Variants in OGFOD1 observed in about 807,000 individuals in gnomAD.
The protein encoded by OGFOD1 is prolyl 3-hydroxylase OGFOD1.
OGFOD1 carries 54 observed loss-of-function variants against 67.7 expected under a neutral mutation model. The observed-to-expected ratio is 0.80, with a 90% confidence interval of 0.64 to 1.00. The LOEUF (loss-of-function observed/expected upper bound fraction) is 1.00, where lower values mean the gene tolerates loss of function less well. OGFOD1 is among the 50% of genes least tolerant of loss of function. The pLI is 0.00. For synonymous variants in OGFOD1, 221 were observed against 227.0 expected (o/e 0.97, Z 0.24); for missense variants, 606 against 646.7 (o/e 0.94, Z 0.68).
Position 56,458,553 on chromosome 16 carries a change from T to C in OGFOD1, c.306T>C (p.Asp102=). 4 of 1,613,014 alleles carry C rather than the reference T, an allele frequency of 2.5e-6. No individual in the cohort carries two copies. The highest frequency in any genetic ancestry group is 3.4e-6 in the Non-Finnish European group (4 of 1,179,002). The change falls in exon 3 of 13, where the codon GAT becomes GAC. Residue 102 remains aspartate, a synonymous_variant. Transcript: ENST00000566157. ...YNDLYKFQQS[D]DLKKRREPHI... is the part of the protein sequence containing the mutation. ...TCTCTATTTTCATGATCAAGTCTGATGATTTGAAGAAGAGAAGAGAGCCTC... is the reference window on the plus strand; with the variant it reads ...TCTCTATTTTCATGATCAAGTCTGACGATTTGAAGAAGAGAAGAGAGCCTC...
chr16:56,472,387 A>T (rs1411183172), intron 10 of OGFOD1, among the ~76,000 whole-genome samples: 1 of 152,224 alleles, frequency 6.6e-6, no homozygotes, highest in African/African-American at 2.4e-5. Flanking sequence ...CACCTACTGT[A>T]TACAGGGGGC....
Position 56,465,057 on chromosome 16 carries a change from T to C in OGFOD1, c.449-1095T>C, listed in dbSNP as rs149573382. On this transcript the variant is annotated intron_variant, in intron 4 of 12. Transcript: ENST00000566157. ...CTCTGTTGCCCAGGCTGGAATACAG[T>C]GGTGCGATCTTGGCTCACTGCAACC... 7.9e-5 allele frequency among the ~76,000 whole-genome samples: 12 copies of C among 151,966 alleles called. No homozygotes were observed. The East Asian group carries it at 2.1e-3, about 27-fold the overall frequency.
chr16:56,459,053 C>A (rs1206272475), intron 3 of OGFOD1, among the ~76,000 whole-genome samples: 3 of 152,046 alleles, frequency 2.0e-5, no homozygotes, highest in Admixed American at 2.0e-4. Context: ...AAGAATTTAT[C>A]CTGGGGGCTG....
Position 56,478,491 on chromosome 16 carries a change from C to T in OGFOD1, c.*2286C>T, listed in dbSNP as rs1963574791. On this transcript the variant is annotated 3_prime_UTR_variant, in exon 13 of 13. Coordinates refer to ENST00000566157, the MANE Select transcript of OGFOD1 (RefSeq NM_018233.4). Reference sequence around the variant, plus strand: ...TATATTCCAGCTGACTAAAGGTCATCTCACTCACTTGCCTTCTGATGTGTT... The same window carrying T: ...TATATTCCAGCTGACTAAAGGTCATTTCACTCACTTGCCTTCTGATGTGTT... 6.6e-6 allele frequency: 1 copy of T among 152,206 alleles called. No individual in the cohort carries two copies. The highest frequency in any genetic ancestry group is 2.4e-5 in the African/African-American group (1 of 41,440). The allele number at this position is 152,206 out of a possible 1,614,324, so 9.4% of individuals were successfully genotyped here.
rs1962968436 is a variant in OGFOD1, at chr16:56,467,800, TTA to T, written c.787-102_787-101del. ...TTTCCAGTACTTTAATAGGAGAAAC[TTA>T]TAAAATGAGGATTTGCATGTATTTT... is the stretch of plus-strand genomic sequence containing the variant. On this transcript the variant is annotated intron_variant, in intron 7 of 12. Coordinates refer to ENST00000566157, the MANE Select transcript of OGFOD1 (RefSeq NM_018233.4). The T allele has an allele frequency of 4.3e-6, 3 of 704,424 alleles. No homozygotes were observed. The East Asian group carries it at 7.9e-5, about 19-fold the overall frequency. The allele number at this position is 704,424 out of a possible 1,614,324, so 43.6% of individuals were successfully genotyped here.
In OGFOD1 at chr16:56,458,544, C is replaced by T; in HGVS notation, c.301-4C>T. ...CCTTTTTTTTCTCTATTTTCATGATCAAGTCTGATGATTTGAAGAAGAGAA... is the reference window on the plus strand; with the variant it reads ...CCTTTTTTTTCTCTATTTTCATGATTAAGTCTGATGATTTGAAGAAGAGAA... On this transcript the variant is annotated splice_polypyrimidine_tract_variant and splice_region_variant and intron_variant, in intron 2 of 12. Transcript: ENST00000566157. 1 of 1,612,404 alleles carries T rather than the reference C, an allele frequency of 6.2e-7. No homozygotes were observed. The highest frequency in any genetic ancestry group is 1.1e-5 in the South Asian group (1 of 90,994).
At chr16:56,462,387 C>T in intron 3 of OGFOD1, 147 bp from the exon 4 acceptor site, 1 of 587,982 alleles carries the variant, frequency 1.7e-6, no homozygotes, top group South Asian at 2.1e-5. Context: ...AGAAACATTT[C>T]TCAGAATGTC....
chr16:56,468,322 T>C (rs1242976350), intron 8 of OGFOD1, among the ~76,000 whole-genome samples: 2 of 152,184 alleles, frequency 1.3e-5, no homozygotes, highest in African/African-American at 4.8e-5. Context: ...ATCTAACAAA[T>C]ATGGTGCTTC....
Position 56,477,756 on chromosome 16 carries a change from T to C in OGFOD1, c.*1551T>C, listed in dbSNP as rs772789454. The C allele has an allele frequency of 3.9e-5, 6 of 152,210 alleles. No individual in the cohort carries two copies. The highest frequency in any genetic ancestry group is 5.9e-5 in the Non-Finnish European group (4 of 68,040). The allele number at this position is 152,210 out of a possible 1,614,324, so 9.4% of individuals were successfully genotyped here. A position where few individuals can be genotyped will look rare whatever the true frequency, so the allele number is the denominator to read the frequency against. On this transcript the variant is annotated 3_prime_UTR_variant, in exon 13 of 13. Coordinates refer to ENST00000566157, the MANE Select transcript of OGFOD1 (RefSeq NM_018233.4). ...TCTTTTTTACATTTATTTTTAGCTT[T>C]TGCAGTAGTGTTTAGTGTGGGTTTT...
At chr16:56,463,115 G>T (rs1332898954) in intron 4 of OGFOD1, among the ~76,000 whole-genome samples, 1 of 152,114 alleles carries the variant, frequency 6.6e-6, no homozygotes, top group Non-Finnish European at 1.5e-5. Context: ...CTCTTCAGAG[G>T]TACCTATTGT....
At chr16:56,467,352 G>A in intron 7 of OGFOD1, 59 bp downstream of exon 7, 2 of 1,578,086 alleles carry the variant, frequency 1.3e-6, no homozygotes, top group South Asian at 2.3e-5. Flanking sequence ...TTGTTTCTCT[G>A]ATTTTAAAAT....
intron 3 of OGFOD1, among the ~76,000 whole-genome samples, chr16:56,459,255 G>A (rs1378349118): frequency 1.3e-5 from 2 of 151,764 alleles, no homozygotes; most frequent in Non-Finnish European, 1.5e-5. Context: ...CAGGAGAATC[G>A]CTTGAACCAG....
intron 10 of OGFOD1, among the ~76,000 whole-genome samples, chr16:56,473,118 G>C (rs192672656): frequency 1.3e-5 from 2 of 152,192 alleles, no homozygotes; most frequent in African/African-American, 4.8e-5. Flanking sequence ...TTTTAGTAGA[G>C]ACGGGGTTTC....
In OGFOD1 at chr16:56,453,276, G is replaced by C; in HGVS notation, c.168G>C (p.Met56Ile). The stretch of plus-strand genomic sequence containing the variant: ...TTCTTCCAACAGAAGTCATTGTCAT[G>C]GACATGGACCCTTTTCTTCACTGTG... ...RTPFSHEVIV[M>I]DMDPFLHCVI... Residue 56 changes from methionine (M) to isoleucine (I), a missense_variant, in exon 2 of 13, where the codon ATG becomes ATC. Coordinates refer to ENST00000566157, the MANE Select transcript of OGFOD1 (RefSeq NM_018233.4). 1 of 1,609,652 alleles carries C rather than the reference G, an allele frequency of 6.2e-7. No homozygotes were observed. Among genetic ancestry groups the C allele is most frequent in the South Asian group, 1.1e-5 (1 of 89,920 alleles).
At chr16:56,461,424 C>T (rs1333165301) in intron 3 of OGFOD1, among the ~76,000 whole-genome samples, 2 of 152,184 alleles carry the variant, frequency 1.3e-5, no homozygotes, top group Non-Finnish European at 2.9e-5. Context: ...ACATCCCTTC[C>T]GTCTGGCTGT....
Position 56,451,617 on chromosome 16 carries a change from A to G in OGFOD1, c.5A>G (p.Asn2Ser). The stretch of plus-strand genomic sequence containing the variant: ...GGTTCTGTGCCTTGGGAAGAGATGA[A>G]TGGGAAGCGGCCAGCGGAGCCCGGC... M[N>S]GKRPAEPGPA... is the part of the protein sequence containing the mutation. Residue 2 changes from asparagine (N) to serine (S), a missense_variant, in exon 1 of 13, where the codon AAT (asparagine) becomes AGT (serine). Transcript: ENST00000566157. 6.2e-7 allele frequency: 1 copy of G among 1,613,644 alleles called. No homozygotes were observed. Among genetic ancestry groups the G allele is most frequent in the Non-Finnish European group, 8.5e-7 (1 of 1,179,958 alleles).
Position 56,476,195 on chromosome 16 carries a change from A to G in OGFOD1, c.1619A>G (p.Tyr540Cys), listed in dbSNP as rs769951497. The G allele has an allele frequency of 1.2e-6, 2 of 1,611,196 alleles. No homozygotes were observed. The highest frequency in any genetic ancestry group is 1.3e-5 in the African/African-American group (1 of 74,816). The change falls in exon 13 of 13, where the codon TAT becomes TGT. Residue 540 changes from tyrosine (Y) to cysteine (C), a missense_variant. Physicochemically the swap from Tyr to Cys is radical, Grantham distance 194. Coordinates refer to ENST00000566157, the MANE Select transcript of OGFOD1 (RefSeq NM_018233.4). ...GGTTTCTGGGACTTTTCATTCATCT[A>G]TTATGAATGACAGCACTGGGCAAAG... ...RTGFWDFSFIYYE is the reference protein window; with the variant it reads ...RTGFWDFSFICYE
chr16:56,468,691 A>G (rs1042102456), intron 8 of OGFOD1, among the ~76,000 whole-genome samples: 1 of 150,768 alleles, frequency 6.6e-6, no homozygotes, highest in Non-Finnish European at 1.5e-5. Context: ...GCGCCATTGC[A>G]CTCCAGCCTG....
intron 1 of OGFOD1, 79 bp downstream of exon 1, chr16:56,451,845 C>T (rs1384617200): frequency 6.7e-7 from 1 of 1,503,272 alleles, no homozygotes. Context: ...TCGCGCCCAG[C>T]CTTGGGCAGC....
Sources: gnomAD v4.1 joint callset for allele counts (sites outside exome capture counted in the v4.1 genomes callset) on GRCh38, gnomAD v4.1.1 for gene constraint, MANE v1.5 for transcripts, NCBI Gene and HGNC (gene_info 2026-07-23, HGNC 2026-07-21) for gene names.